The following EIF3E variants were observed in gnomAD, a reference collection of about 807,000 sequenced individuals.
The protein encoded by EIF3E is eukaryotic translation initiation factor 3 subunit E.
A neutral mutation model predicts 59.3 loss-of-function variants in EIF3E; 25 were observed. The observed-to-expected ratio is 0.42, with a 90% CI of 0.31 to 0.59. EIF3E has a LOEUF of 0.59. Among genes scored for constraint, EIF3E ranks in the 20% least tolerant of loss-of-function variants. The pLI, the probability that EIF3E is intolerant of heterozygous loss-of-function variation, is 0.15. For synonymous variants in EIF3E, 176 were observed against 170.2 expected (o/e 1.03, Z -0.26); for missense variants, 317 against 534.3 (o/e 0.59, Z 4.01).
intron 10 of EIF3E, among the ~76,000 whole-genome samples, chr8:108,208,750 C>T (rs1815154389): frequency 6.6e-6 from 1 of 152,030 alleles, no homozygotes; most frequent in African/African-American, 2.4e-5. Flanking sequence ...ATGTATGCTC[C>T]AACATGTTTA....
chr8:108,236,629 A>T (rs1371647274), intron 3 of EIF3E, among the ~76,000 whole-genome samples: 1 of 152,222 alleles, frequency 6.6e-6, no homozygotes, highest in Non-Finnish European at 1.5e-5. Context: ...TAAATGTACC[A>T]TGTACAAACT....
Position 108,236,209 on chromosome 8 carries a change from T to A in EIF3E, c.324-6A>T. 1.2e-6 allele frequency: 2 copies of A among 1,607,738 alleles called. No homozygotes were observed. The highest frequency in any genetic ancestry group is 1.7e-6 in the Non-Finnish European group (2 of 1,177,324). On this transcript the variant is annotated splice_region_variant and splice_polypyrimidine_tract_variant and intron_variant, in intron 3 of 12. Coordinates refer to ENST00000220849, the MANE Select transcript of EIF3E (RefSeq NM_001568.3). ...CAAAGAGCATCCTACCATCCCTAAA[T>A]AATAAAAAACAAAAATTACATTATT... is the stretch of plus-strand genomic sequence containing the variant.
intron 7 of EIF3E, among the ~76,000 whole-genome samples, chr8:108,222,380 G>A (rs1815435003): frequency 6.6e-6 from 1 of 152,024 alleles, no homozygotes; most frequent in South Asian, 2.1e-4. Flanking sequence ...TACCTTACAG[G>A]GCAAAAGTGA....
At chr8:108,234,947 A>T (rs1363216559) in intron 5 of EIF3E, 51 bp downstream of exon 5, 1 of 1,195,380 alleles carries the variant, frequency 8.4e-7, no homozygotes. Context: ...AACCAAGGGA[A>T]TCCTACAAAA....
At chr8:108,228,491 C>T (rs1028806610) in intron 6 of EIF3E, 100 bp from the exon 7 acceptor site, 4 of 971,760 alleles carry the variant, frequency 4.1e-6, no homozygotes, top group East Asian at 3.1e-5. Flanking sequence ...AAAAATGAGC[C>T]CCTTCTAAGG....
rs1244923774 is a variant in EIF3E, at chr8:108,216,443, C to A, written c.920G>T (p.Gly307Val). Residue 307 changes from glycine (G) to valine (V), a missense_variant, in exon 9 of 13, where the codon GGG becomes GTG. This residue lies in a region of EIF3E where 242 missense variants were observed against 398.0 expected (regional missense o/e 0.61). Coordinates refer to ENST00000220849, the MANE Select transcript of EIF3E (RefSeq NM_001568.3). ...ECLYVNFDFD[G>V]AQKKLRECES... ...ACATTCCCTCAGCTTTTTCTGAGCCCCATCAAAGTCAAAGTTAACATATAA... is the reference window on the plus strand; with the variant it reads ...ACATTCCCTCAGCTTTTTCTGAGCCACATCAAAGTCAAAGTTAACATATAA... 1 of 1,609,806 alleles carries A rather than the reference C, an allele frequency of 6.2e-7. No individual in the cohort carries two copies. The highest frequency in any genetic ancestry group is 1.3e-5 in the African/African-American group (1 of 74,670).
At chr8:108,222,976 A>G (rs1337700864) in intron 7 of EIF3E, among the ~76,000 whole-genome samples, 3 of 152,074 alleles carry the variant, frequency 2.0e-5, no homozygotes, top group Non-Finnish European at 4.4e-5. Flanking sequence ...GTTTTCCTAC[A>G]GTGTTTCATA....
intron 7 of EIF3E, among the ~76,000 whole-genome samples, chr8:108,219,825 C>A (rs1815372688): frequency 6.6e-6 from 1 of 151,604 alleles, no homozygotes; most frequent in African/African-American, 2.4e-5. Context: ...CAGAGCAAGA[C>A]CCTGCCTCAA....
intron 10 of EIF3E, among the ~76,000 whole-genome samples, chr8:108,204,945 A>G (rs1460280592): frequency 6.6e-6 from 1 of 152,052 alleles, no homozygotes; most frequent in Admixed American, 6.6e-5. Flanking sequence ...GCAGAGCTTA[A>G]TTTATCAGAA....
chr8:108,223,833 G>A (rs1176067748), intron 7 of EIF3E, among the ~76,000 whole-genome samples: 1 of 150,328 alleles, frequency 6.7e-6, no homozygotes, highest in Non-Finnish European at 1.5e-5. Context: ...GGTAATATAT[G>A]TGATGTAAGA....
At chr8:108,225,105 A>G (rs915787862) in intron 7 of EIF3E, among the ~76,000 whole-genome samples, 4 of 151,748 alleles carry the variant, frequency 2.6e-5, no homozygotes, top group African/African-American at 9.8e-5. Flanking sequence ...AACAAGATGA[A>G]CCAGCTGCTT....
At chr8:108,219,685 G>A (rs1815368913) in intron 7 of EIF3E, among the ~76,000 whole-genome samples, 1 of 151,928 alleles carries the variant, frequency 6.6e-6, no homozygotes, top group Admixed American at 6.6e-5. Context: ...AGACTAGCCT[G>A]GGCAACATAG....
chr8:108,236,240 G>A (rs1353990373), intron 3 of EIF3E, 37 bp from the exon 4 acceptor site: 1 of 1,559,898 alleles, frequency 6.4e-7, no homozygotes, highest in Admixed American at 1.8e-5. Context: ...TTATTTTAAA[G>A]GCCACAGAAA....
rs1815324737 is a variant in EIF3E, at chr8:108,217,409, A to C, written c.774T>G (p.Thr258=). ...TMCPHILRYL[T]TAVITNKDVR... ...CATCCTTGTTTGTTATGACTGCTGT[A>C]GTCAAATAGCGAAGAATGTGTGGAC... Residue 258 remains threonine (T), a synonymous_variant, in exon 8 of 13, where the codon ACT becomes ACG. Coordinates refer to ENST00000220849, the MANE Select transcript of EIF3E (RefSeq NM_001568.3). The C allele has an allele frequency of 6.2e-7, 1 of 1,604,908 alleles. No homozygotes were observed. Among genetic ancestry groups the C allele is most frequent in the Non-Finnish European group, 8.5e-7 (1 of 1,175,848 alleles).
At chr8:108,232,236 T>C (rs943473615) in intron 5 of EIF3E, among the ~76,000 whole-genome samples, 1 of 152,172 alleles carries the variant, frequency 6.6e-6, no homozygotes, top group Non-Finnish European at 1.5e-5. Flanking sequence ...CCTGCCAATA[T>C]GCCAACAGGA....
intron 10 of EIF3E, among the ~76,000 whole-genome samples, chr8:108,213,187 C>G (rs1449256216): frequency 6.6e-6 from 1 of 152,048 alleles, no homozygotes; most frequent in Non-Finnish European, 1.5e-5. Context: ...TAAACCAAAT[C>G]CCAAGAAAGA....
In EIF3E at chr8:108,203,522, C is replaced by G. The variant is rs1815034196; in HGVS notation, c.1062-19G>C. 6.2e-7 allele frequency: 1 copy of G among 1,605,278 alleles called. No homozygotes were observed. The highest frequency in any genetic ancestry group is 8.5e-7 in the Non-Finnish European group (1 of 1,172,774). On this transcript the variant is annotated intron_variant, in intron 10 of 12. Transcript: ENST00000220849. ...CAACATGCTAATGAAAAAGTAAAAA[C>G]AGCAATGTTAATTAACTGGGCCTAA...
At chr8:108,229,031 A>T (rs1815573176) in intron 6 of EIF3E, 39 bp downstream of exon 6, 1 of 1,563,970 alleles carries the variant, frequency 6.4e-7, no homozygotes, top group African/African-American at 1.4e-5. Flanking sequence ...AAGGATACAC[A>T]GATATTTCAG....
At chr8:108,207,417 T>C (rs1361250665) in intron 10 of EIF3E, among the ~76,000 whole-genome samples, 1 of 152,216 alleles carries the variant, frequency 6.6e-6, no homozygotes, top group East Asian at 1.9e-4. Flanking sequence ...GGTGGTCTAG[T>C]GGCTAGGGAG....
Sources: gnomAD v4.1 joint callset for allele counts (sites outside exome capture counted in the v4.1 genomes callset) on GRCh38, gnomAD v4.1.1 for gene constraint, gnomAD v4.1.1 regional missense constraint, MANE v1.5 for transcripts, NCBI Gene and HGNC (gene_info 2026-07-23, HGNC 2026-07-21) for gene names.